ZNRF1: variants seen among roughly 807,000 people sequenced by gnomAD.
The protein encoded by ZNRF1 is E3 ubiquitin-protein ligase ZNRF1.
In ZNRF1, 3 loss-of-function variants were observed where a neutral mutation model predicts 18.4. The observed-to-expected ratio is 0.16, with a 90% CI of 0.07 to 0.42. ZNRF1 has a LOEUF of 0.42. Among genes scored for constraint, ZNRF1 ranks in the 10% least tolerant of loss-of-function variants. ZNRF1 has a pLI of 0.99. For synonymous variants in ZNRF1, 157 were observed against 144.2 expected (o/e 1.09, Z -0.64); for missense variants, 310 against 329.8 (o/e 0.94, Z 0.47).
chr16:75,059,243 T>TC lies in ZNRF1; in HGVS notation c.425-34329_425-34328insC, dbSNP rs774974972. Among the ~76,000 whole-genome samples, 204 of 85,452 alleles carry TC rather than the reference T, an allele frequency of 2.4e-3. 1 individual carries two copies. Among genetic ancestry groups the TC allele is most frequent in the African/African-American group, 7.4e-3 (158 of 21,236 alleles). The allele number at this position is 85,452 out of a possible 152,430, so 56.1% of individuals were successfully genotyped here. A position where few individuals can be genotyped will look rare whatever the true frequency, so the allele number is the denominator to read the frequency against. Reference sequence around the variant, plus strand: ...CTTCTTTCTTTCTTTTTTTTTTTTTTTCTTTTTTTTTTTTTTTTTGTGGAG... The same window carrying TC: ...CTTCTTTCTTTCTTTTTTTTTTTTTTCTCTTTTTTTTTTTTTTTTTGTGGAG... On this transcript the variant is annotated intron_variant, in intron 1 of 4. Coordinates refer to ENST00000335325, the MANE Select transcript of ZNRF1 (RefSeq NM_032268.5).
intron 1 of ZNRF1, among the ~76,000 whole-genome samples, chr16:75,055,243 T>C (rs927113559): frequency 6.6e-6 from 1 of 152,232 alleles, no homozygotes; most frequent in Admixed American, 6.5e-5. Context: ...TTAAATAAAG[T>C]GGCAACACTG....
rs149801552 is a variant in ZNRF1 at position 75,012,190 on chromosome 16, G to C, written c.424+12095G>C. 1.2e-3 allele frequency among the ~76,000 whole-genome samples: 187 copies of C among 152,324 alleles called. 1 individual carries two copies. Among genetic ancestry groups the C allele is most frequent in the African/African-American group, 4.4e-3 (182 of 41,576 alleles). ...ACCAAGCCCTGAATTCAAAGTGCAG[G>C]ACAGCAGAATAGAACAGAGAAGCCT... On this transcript the variant is annotated intron_variant, in intron 1 of 4. Transcript: ENST00000335325.
At chr16:75,107,583 A>T (rs1011541635) in intron 4 of ZNRF1, 150 bp from the exon 5 acceptor site, 1 of 396,240 alleles carries the variant, frequency 2.5e-6, no homozygotes, top group Admixed American at 2.7e-5. Flanking sequence ...GCCCAGGCAC[A>T]TGGCTGCAAA....
At chr16:75,000,467 G>A (rs2034832048) in intron 1 of ZNRF1, 1 of 408,368 alleles carries the variant, frequency 2.4e-6, no homozygotes, top group Admixed American at 3.3e-5. Flanking sequence ...CACCGGTAAC[G>A]GAGAGATGGA....
At chr16:75,077,467 G>A (rs2035954371) in intron 1 of ZNRF1, among the ~76,000 whole-genome samples, 2 of 152,234 alleles carry the variant, frequency 1.3e-5, no homozygotes, top group South Asian at 2.1e-4. Flanking sequence ...GGGAGACAGA[G>A]GTTGCGGTGA....
intron 1 of ZNRF1, among the ~76,000 whole-genome samples, chr16:75,011,752 A>G (rs1021326260): frequency 3.3e-5 from 5 of 152,212 alleles, no homozygotes; most frequent in African/African-American, 1.2e-4. Flanking sequence ...TGACGAGCCC[A>G]GTCATGTTGG....
chr16:75,000,693 G>C (rs2034836822), intron 1 of ZNRF1, among the ~76,000 whole-genome samples: 2 of 152,180 alleles, frequency 1.3e-5, no homozygotes, highest in Non-Finnish European at 2.9e-5. Context: ...GGGCCCAGCC[G>C]GCGAGTCTCG....
chr16:75,095,785 C>T, intron 2 of ZNRF1: 2 of 1,474,472 alleles, frequency 1.4e-6, no homozygotes, highest in South Asian at 2.7e-5. Flanking sequence ...AGAGAACTGC[C>T]TGGGACGCCA....
At chr16:75,015,645 G>A (rs960466974) in intron 1 of ZNRF1, among the ~76,000 whole-genome samples, 6 of 152,118 alleles carry the variant, frequency 3.9e-5, no homozygotes, top group Admixed American at 6.5e-5. Context: ...CTGTAGTGGC[G>A]CCATCACCGC....
At chr16:75,066,365 G>C (rs1032810931) in intron 1 of ZNRF1, among the ~76,000 whole-genome samples, 2 of 152,262 alleles carry the variant, frequency 1.3e-5, no homozygotes, top group Non-Finnish European at 2.9e-5. Flanking sequence ...GGGAAGACAT[G>C]ATTATCTCAT....
intron 1 of ZNRF1, among the ~76,000 whole-genome samples, chr16:75,075,791 C>T (rs1016813277): frequency 1.3e-5 from 2 of 152,084 alleles, no homozygotes; most frequent in Admixed American, 6.5e-5. Context: ...GCTCAGGAAT[C>T]GATGTTAGGA....
intron 1 of ZNRF1, among the ~76,000 whole-genome samples, chr16:75,079,025 C>T (rs1049722366): frequency 2.0e-5 from 3 of 152,224 alleles, no homozygotes; most frequent in African/African-American, 7.2e-5. Context: ...TTCTCCTTCT[C>T]CCATTCTTAT....
rs200014197 is a variant in ZNRF1, at chr16:75,104,775, C to G, written c.521-9C>G. On this transcript the variant is annotated splice_polypyrimidine_tract_variant and intron_variant, in intron 2 of 4. Coordinates refer to ENST00000335325, the MANE Select transcript of ZNRF1 (RefSeq NM_032268.5). ...AACCCTCCTGCACTCTCCCCTGTCCCCCTTGCAGATGATGTGCTGACTAAA... is the reference window on the plus strand; with the variant it reads ...AACCCTCCTGCACTCTCCCCTGTCCGCCTTGCAGATGATGTGCTGACTAAA... 4.1e-5 allele frequency: 66 copies of G among 1,592,788 alleles called. 2 individuals are homozygous for G. In the Admixed American group the frequency reaches 1.0e-3, roughly 25 times the overall value.
At chr16:75,037,527 C>T (rs563961384) in intron 1 of ZNRF1, among the ~76,000 whole-genome samples, 13 of 152,048 alleles carry the variant, frequency 8.5e-5, no homozygotes, top group South Asian at 2.1e-4. Context: ...TTAGTATAGA[C>T]GGGGTTTCAC....
chr16:75,091,971 T>A (rs1184131186), intron 1 of ZNRF1, among the ~76,000 whole-genome samples: 1 of 151,930 alleles, frequency 6.6e-6, no homozygotes, highest in Non-Finnish European at 1.5e-5. Context: ...TGTATTACAA[T>A]AAGGAGAGAG....
intron 1 of ZNRF1, among the ~76,000 whole-genome samples, chr16:75,021,871 T>C (rs2035154063): frequency 6.6e-6 from 1 of 152,326 alleles, no homozygotes; most frequent in East Asian, 1.9e-4. Context: ...ACCTAAGAAA[T>C]TATCATCTAG....
intron 1 of ZNRF1, among the ~76,000 whole-genome samples, chr16:75,055,066 G>A (rs1345990025): frequency 2.6e-5 from 4 of 152,196 alleles, no homozygotes; most frequent in Non-Finnish European, 4.4e-5. Flanking sequence ...GACTGGGTGG[G>A]CAGGCGTTCG....
chr16:75,089,169 C>G (rs991388362), intron 1 of ZNRF1, among the ~76,000 whole-genome samples: 1 of 150,308 alleles, frequency 6.7e-6, no homozygotes. Context: ...GTGGCATGAT[C>G]ATGGCTCACT....
chr16:75,104,699 C>A, intron 2 of ZNRF1, 85 bp from the exon 3 acceptor site: 1 of 1,206,092 alleles, frequency 8.3e-7, no homozygotes, highest in Non-Finnish European at 1.2e-6. Flanking sequence ...CTAAGCAGTC[C>A]CCTAGTTCCT....
Sources: allele counts gnomAD v4.1 joint callset (sites outside exome capture counted in the v4.1 genomes callset), GRCh38; gene constraint gnomAD v4.1.1; transcripts MANE v1.5; gene names NCBI Gene and HGNC (gene_info 2026-07-23, HGNC 2026-07-21).